The following EFL1 variants were observed in gnomAD, a reference collection of about 807,000 sequenced individuals.
EFL1 encodes elongation factor-like GTPase 1.
A neutral mutation model predicts 126.7 loss-of-function variants in EFL1; 76 were observed. The observed-to-expected ratio is 0.60, with a 90% CI of 0.50 to 0.73. The LOEUF (loss-of-function observed/expected upper bound fraction) is 0.73. Ranked by LOEUF, EFL1 falls within the 30% of genes least tolerant of loss-of-function variation. EFL1 has a pLI of 0.00. For missense variants in EFL1, 1,128 were observed against 1,343.2 expected (o/e 0.84, Z 2.50); for synonymous variants, 410 against 448.4 (o/e 0.91, Z 1.08).
At chr15:82,149,591 T>A (rs2073886260) in intron 18 of EFL1, among the ~76,000 whole-genome samples, 1 of 152,170 alleles carries the variant, frequency 6.6e-6, no homozygotes, top group Non-Finnish European at 1.5e-5. Context: ...AGAGGGATGC[T>A]GACCAAATAA....
intron 15 of EFL1, 143 bp from the exon 16 acceptor site, chr15:82,164,127 TG>T (rs2074052746): frequency 7.7e-5 from 79 of 1,024,204 alleles, no homozygotes; most frequent in Non-Finnish European, 9.9e-5. Context: ...GGACCTGCAC[TG>T]TTTTTTTTTT....
intron 15 of EFL1, among the ~76,000 whole-genome samples, chr15:82,175,791 C>T (rs1408925913): frequency 1.3e-5 from 2 of 151,928 alleles, no homozygotes; most frequent in Non-Finnish European, 1.5e-5. Context: ...AGGTTCAAGA[C>T]CTGGGCAACA....
At chr15:82,195,626 G>A (rs1387426451) in intron 15 of EFL1, among the ~76,000 whole-genome samples, 1 of 152,070 alleles carries the variant, frequency 6.6e-6, no homozygotes, top group Non-Finnish European at 1.5e-5. Context: ...GAAGCTAAAC[G>A]CCAACAAACT....
At chr15:82,188,682 T>C (rs1322105393) in intron 15 of EFL1, among the ~76,000 whole-genome samples, 1 of 152,168 alleles carries the variant, frequency 6.6e-6, no homozygotes, top group Non-Finnish European at 1.5e-5. Context: ...GCCTCTTCCC[T>C]TTCAACAATT....
At chr15:82,137,488 G>A (rs1038701798) in intron 19 of EFL1, among the ~76,000 whole-genome samples, 1 of 152,158 alleles carries the variant, frequency 6.6e-6, no homozygotes, top group African/African-American at 2.4e-5. Flanking sequence ...AACAATCTTC[G>A]CATCAGCAAG....
intron 15 of EFL1, 141 bp from the exon 16 acceptor site, chr15:82,164,125 A>C: frequency 1.9e-6 from 2 of 1,061,682 alleles, no homozygotes; most frequent in Non-Finnish European, 2.6e-6. Flanking sequence ...GCGGACCTGC[A>C]CTGTTTTTTT....
chr15:82,181,951 T>C (rs898901526), intron 15 of EFL1, among the ~76,000 whole-genome samples: 1 of 152,190 alleles, frequency 6.6e-6, no homozygotes, highest in Non-Finnish European at 1.5e-5. Flanking sequence ...TAATGAAGCA[T>C]TGCATTTAGT....
At chr15:82,219,562 C>T in intron 14 of EFL1, 90 bp downstream of exon 14, 1 of 1,388,286 alleles carries the variant, frequency 7.2e-7, no homozygotes, top group Non-Finnish European at 9.7e-7. Flanking sequence ...ACTAAATCTA[C>T]CAACAAGATA....
At chr15:82,140,083 C>T (rs1161914073) in intron 18 of EFL1, among the ~76,000 whole-genome samples, 1 of 152,206 alleles carries the variant, frequency 6.6e-6, no homozygotes, top group African/African-American at 2.4e-5. Flanking sequence ...GATGAGCCTT[C>T]ACCATGTTTA....
intron 15 of EFL1, among the ~76,000 whole-genome samples, chr15:82,210,292 A>G (rs1180669582): frequency 6.6e-6 from 1 of 152,158 alleles, no homozygotes; most frequent in East Asian, 1.9e-4. Context: ...AGCTGCAGTG[A>G]CTCACTTCTA....
intron 15 of EFL1, among the ~76,000 whole-genome samples, chr15:82,203,877 C>A (rs2074497663): frequency 2.0e-5 from 3 of 152,134 alleles, no homozygotes; most frequent in Non-Finnish European, 4.4e-5. Context: ...TTTCTGCTTT[C>A]ATAAACAGTG....
intron 3 of EFL1, among the ~76,000 whole-genome samples, chr15:82,255,254 G>A (rs2075057033): frequency 6.6e-6 from 1 of 152,062 alleles, no homozygotes; most frequent in East Asian, 1.9e-4. Context: ...ATTATTAATG[G>A]GATTAAGTAT....
chr15:82,144,603 G>A (rs1005270348), intron 18 of EFL1, among the ~76,000 whole-genome samples: 5 of 152,198 alleles, frequency 3.3e-5, no homozygotes, highest in Non-Finnish European at 5.9e-5. Flanking sequence ...CAGGAATCAC[G>A]TTTAACACAG....
intron 15 of EFL1, among the ~76,000 whole-genome samples, chr15:82,177,083 A>G (rs541546356): frequency 6.6e-6 from 1 of 152,312 alleles, no homozygotes; most frequent in East Asian, 1.9e-4. Context: ...CAGTAATTCG[A>G]AAGGAGCTTG....
At chr15:82,163,308 G>A (rs117645815) in intron 16 of EFL1, among the ~76,000 whole-genome samples, 6,826 of 152,276 alleles carry the variant, frequency 0.045, 260 homozygotes, top group Non-Finnish European at 0.061. Context: ...TTGGGAGCCC[G>A]AGGCAGGCAG....
At chr15:82,161,113 G>A (rs767210643) in intron 16 of EFL1, among the ~76,000 whole-genome samples, 65 of 152,038 alleles carry the variant, frequency 4.3e-4, no homozygotes, top group Admixed American at 1.3e-4. Context: ...AAGAACAAAT[G>A]CTCACGATTT....
At chr15:82,258,277 G>C (rs2075083338) in intron 3 of EFL1, among the ~76,000 whole-genome samples, 1 of 152,132 alleles carries the variant, frequency 6.6e-6, no homozygotes, top group African/African-American at 2.4e-5. Context: ...GCTATTTTCA[G>C]GCTAGGTGTG....
intron 15 of EFL1, among the ~76,000 whole-genome samples, chr15:82,203,783 T>C (rs912706217): frequency 1.3e-5 from 2 of 152,238 alleles, no homozygotes; most frequent in African/African-American, 2.4e-5. Context: ...ACTTCATTCA[T>C]CTTCACGAAT....
At chr15:82,178,441 A>G (rs1203670384) in intron 15 of EFL1, among the ~76,000 whole-genome samples, 1 of 152,198 alleles carries the variant, frequency 6.6e-6, no homozygotes, top group Non-Finnish European at 1.5e-5. Flanking sequence ...CAAACTCTGC[A>G]GTAGTTTCTG....
Sources: gnomAD v4.1 joint callset for allele counts (sites outside exome capture counted in the v4.1 genomes callset) on GRCh38, gnomAD v4.1.1 for gene constraint, MANE v1.5 for transcripts, NCBI Gene and HGNC (gene_info 2026-07-23, HGNC 2026-07-21) for gene names.